MID1: variants seen among roughly 807,000 people sequenced by gnomAD.
The protein encoded by MID1 is midline 1.
Under a neutral mutation model 40.4 loss-of-function variants are expected in MID1, and 7 were observed. The observed-to-expected ratio is 0.17, with a 90% confidence interval of 0.10 to 0.33. The LOEUF is 0.33. MID1 is among the 10% of genes least tolerant of loss of function. The probability of loss-of-function intolerance (pLI) is 1.00; values close to 1 mark genes in which losing one functional copy is unlikely to be tolerated. For synonymous variants in MID1, 229 were observed against 221.2 expected, an observed-to-expected ratio of 1.04 and a Z score of -0.31; for missense variants, 367 against 558.5, an observed-to-expected ratio of 0.66 and a Z score of 3.46.
intron 1 of MID1, chrX:10,582,876 C>T (rs773773133): frequency 8.9e-6 from 1 of 111,777 alleles, no homozygotes; most frequent in East Asian, 2.8e-4. Context: ...ATTAGCATGG[C>T]CCCAATGCAA....
At chrX:10,782,477 C>G (rs759779971) in intron 1 of MID1, among the ~76,000 whole-genome samples, 5 of 111,733 alleles carry the variant, frequency 4.5e-5, no homozygotes, top group African/African-American at 1.6e-4. Context: ...TTACCAACAG[C>G]ATGAAGTGCA....
intron 1 of MID1, among the ~76,000 whole-genome samples, chrX:10,798,517 C>T (rs745878417): frequency 8.9e-6 from 1 of 111,929 alleles, no homozygotes; most frequent in Non-Finnish European, 1.9e-5. Context: ...TTTGATCTCT[C>T]ACCCCATTTT....
chrX:10,610,753 T>G (rs763475168), intron 1 of MID1, among the ~76,000 whole-genome samples: 1 of 111,588 alleles, frequency 9.0e-6, no homozygotes, highest in Admixed American at 9.5e-5. Context: ...CCTATAAAGT[T>G]TTTCTTCAGG....
At chrX:10,635,618 A>T (rs1936101072) in intron 1 of MID1, among the ~76,000 whole-genome samples, 2 of 111,760 alleles carry the variant, frequency 1.8e-5, no homozygotes, top group African/African-American at 6.5e-5. Context: ...AATTTTACTA[A>T]GAAAAAAAAA....
At chrX:10,736,114 G>A (rs894660685) in intron 1 of MID1, among the ~76,000 whole-genome samples, 6 of 111,690 alleles carry the variant, frequency 5.4e-5, no homozygotes, top group African/African-American at 1.6e-4. Context: ...CAGTAGCTGG[G>A]ACTACCGGCG....
At chrX:10,721,705 A>C (rs1221611978) in intron 1 of MID1, among the ~76,000 whole-genome samples, 1 of 96,450 alleles carries the variant, frequency 1.0e-5, no homozygotes, top group Admixed American at 1.2e-4. Context: ...TCTCGGGCAA[A>C]AGGGATTTAA....
Position 10,709,196 on chromosome X carries a change from CTT to C in MID1, c.-186-88779_-186-88778del, listed in dbSNP as rs758284003. Among the ~76,000 whole-genome samples, 3 of 112,418 alleles carry C rather than the reference CTT, an allele frequency of 2.7e-5. No individual in the cohort carries two copies. The East Asian group carries it at 8.4e-4, about 31-fold the overall frequency. On this transcript the variant is annotated intron_variant, in intron 1 of 10. Coordinates refer to the MID1 transcript ENST00000380785. The stretch of plus-strand genomic sequence containing the variant: ...CTCCAATGTTCTGACTTCCAACTCT[CTT>C]TGGTATGAGTGCTCAAGAAGTTTTT...
At chrX:10,564,903 G>A (rs1934466925) in intron 2 of MID1, among the ~76,000 whole-genome samples, 1 of 105,561 alleles carries the variant, frequency 9.5e-6, no homozygotes. Context: ...AAGAAACAAA[G>A]ATCTGGCATG....
intron 1 of MID1, chrX:10,589,583 T>G (rs1166151327): frequency 9.0e-6 from 1 of 111,721 alleles, no homozygotes; most frequent in African/African-American, 3.3e-5. Flanking sequence ...AAGACTAGTC[T>G]TACCAAGTTT....
intron 6 of MID1, among the ~76,000 whole-genome samples, 195 bp downstream of exon 6, chrX:10,474,428 C>T (rs1929885786): frequency 9.0e-6 from 1 of 111,650 alleles, no homozygotes; most frequent in Non-Finnish European, 1.9e-5. Context: ...TTTCTCCTGT[C>T]CCCAGTTTAG....
At chrX:10,517,779 C>T (rs974344791) in intron 3 of MID1, among the ~76,000 whole-genome samples, 1 of 112,461 alleles carries the variant, frequency 8.9e-6, no homozygotes, top group African/African-American at 3.2e-5. Context: ...TCAAATGTTA[C>T]CTACCCTTGA....
chrX:10,662,077 G>A (rs753704972), intron 1 of MID1, among the ~76,000 whole-genome samples: 48 of 111,665 alleles, frequency 4.3e-4, no homozygotes, highest in African/African-American at 1.5e-3. Context: ...GGCCGAGGTG[G>A]GCAGATCACC....
At chrX:10,790,515 A>G (rs1329119854) in intron 1 of MID1, among the ~76,000 whole-genome samples, 2 of 110,266 alleles carry the variant, frequency 1.8e-5, no homozygotes, top group Non-Finnish European at 3.8e-5. Context: ...GGCTGCAGGT[A>G]ATGGACATCC....
chrX:10,640,563 A>G (rs1478044296), intron 1 of MID1, among the ~76,000 whole-genome samples: 1 of 111,388 alleles, frequency 9.0e-6, no homozygotes, highest in African/African-American at 3.3e-5. Context: ...CACAATAATA[A>G]TGGGAGACGT....
chrX:10,472,915 C>A (rs1182389205), intron 6 of MID1, among the ~76,000 whole-genome samples: 1 of 112,199 alleles, frequency 8.9e-6, no homozygotes, highest in Non-Finnish European at 1.9e-5. Flanking sequence ...TACAAACACT[C>A]CTTGATGGTT....
intron 2 of MID1, among the ~76,000 whole-genome samples, chrX:10,532,308 T>C (rs952264243): frequency 8.9e-6 from 1 of 111,809 alleles, no homozygotes; most frequent in African/African-American, 3.3e-5. Flanking sequence ...CTGGGCAACA[T>C]AGTGAGACCC....
At chrX:10,578,927 A>T (rs1421967914) in intron 1 of MID1, among the ~76,000 whole-genome samples, 1 of 112,678 alleles carries the variant, frequency 8.9e-6, no homozygotes, top group Non-Finnish European at 1.9e-5. Flanking sequence ...ATATATATTC[A>T]TATAACTATG....
intron 1 of MID1, among the ~76,000 whole-genome samples, chrX:10,597,578 C>T (rs923580885): frequency 8.9e-6 from 1 of 111,847 alleles, no homozygotes; most frequent in Non-Finnish European, 1.9e-5. Context: ...TTTTTATGCA[C>T]AAAGCACAGA....
At chrX:10,543,613 C>T (rs374707676) in intron 2 of MID1, among the ~76,000 whole-genome samples, 10 of 110,699 alleles carry the variant, frequency 9.0e-5, no homozygotes, top group East Asian at 2.8e-4. Context: ...GGGGCTGAGG[C>T]GGGTGGATCA....
Sources: allele counts gnomAD v4.1 joint callset (sites outside exome capture counted in the v4.1 genomes callset), GRCh38; gene constraint gnomAD v4.1.1; transcripts MANE v1.5; gene names NCBI Gene and HGNC (gene_info 2026-07-23, HGNC 2026-07-21).